DYNC2I1: variants seen among roughly 807,000 people sequenced by gnomAD.
DYNC2I1 encodes dynein 2 intermediate chain 1.
In DYNC2I1, 89 loss-of-function variants were observed where a neutral mutation model predicts 133.4. That is an observed-to-expected ratio of 0.67 (90% CI 0.56 to 0.80). The LOEUF (loss-of-function observed/expected upper bound fraction) is 0.80, where lower values mean the gene tolerates loss of function less well. Among genes scored for constraint, DYNC2I1 ranks in the 30% least tolerant of loss-of-function variants. The pLI, the probability that DYNC2I1 is intolerant of heterozygous loss-of-function variation, is 0.00. For missense variants in DYNC2I1, 1,291 were observed against 1,314.5 expected (o/e 0.98, Z 0.28); for synonymous variants, 504 against 484.3 (o/e 1.04, Z -0.54).
chr7:158,856,788 G>A, intron 1 of DYNC2I1, 38 bp downstream of exon 1: 1 of 1,232,972 alleles, frequency 8.1e-7, no homozygotes. Flanking sequence ...GGGTGGTCGA[G>A]CTTCGCGGAC....
At chr7:158,955,227 G>A (rs1327256313) in intron 4 of DYNC2I1, among the ~76,000 whole-genome samples, 2 of 152,224 alleles carry the variant, frequency 1.3e-5, no homozygotes, top group Non-Finnish European at 2.9e-5. Flanking sequence ...TGCCGTCTCT[G>A]CCCAGGCTGG....
At chr7:158,867,720 G>T (rs1030011810) in intron 1 of DYNC2I1, among the ~76,000 whole-genome samples, 1 of 152,240 alleles carries the variant, frequency 6.6e-6, no homozygotes, top group East Asian at 1.9e-4. Context: ...CCCTTCTGAC[G>T]TGTGGGCTGG....
At chr7:158,856,776 AG>A in intron 1 of DYNC2I1, 26 bp downstream of exon 1, 2 of 1,233,780 alleles carry the variant, frequency 1.6e-6, no homozygotes, top group Non-Finnish European at 1.0e-6. Context: ...GGTCTGGGCG[AG>A]GGGTGGTCGA....
chr7:158,886,906 A>T, intron 6 of DYNC2I1, 115 bp from the exon 7 acceptor site: 1 of 957,196 alleles, frequency 1.0e-6, no homozygotes, highest in Middle Eastern at 3.1e-4. Flanking sequence ...TGGTTGTAGT[A>T]GTTCTTAATC....
At chr7:158,958,562 G>C (rs922624293), downstream of DYNC2I1, among the ~76,000 whole-genome samples, 1 of 152,270 alleles carries the variant, frequency 6.6e-6, no homozygotes, top group South Asian at 2.1e-4. Flanking sequence ...ATAGTTCAGG[G>C]GTGGGGTTTA....
the DYNC2I1 span, among the ~76,000 whole-genome samples, chr7:158,840,944 G>A: frequency 6.6e-6 from 1 of 151,988 alleles, no homozygotes; most frequent in African/African-American, 2.4e-5. Flanking sequence ...ACTGTCCCTG[G>A]GTTCCACTCC....
chr7:158,840,450 C>G, the DYNC2I1 span, among the ~76,000 whole-genome samples: 1 of 152,068 alleles, frequency 6.6e-6, no homozygotes, highest in African/African-American at 2.4e-5. Context: ...ACCTGTAATC[C>G]CAGCTACTCG....
chr7:158,865,551 A>T (rs1178806455), intron 1 of DYNC2I1, among the ~76,000 whole-genome samples: 1 of 152,174 alleles, frequency 6.6e-6, no homozygotes, highest in Non-Finnish European at 1.5e-5. Flanking sequence ...GTGCTTGCAG[A>T]TGCTGAAGAC....
At chr7:158,881,620 A>AT (rs1228641233) in intron 5 of DYNC2I1, among the ~76,000 whole-genome samples, 2 of 151,730 alleles carry the variant, frequency 1.3e-5, no homozygotes, top group Admixed American at 6.6e-5. Flanking sequence ...CTCCCGGCTA[A>AT]TTTTTTGTAT....
At chr7:158,903,487 T>C (rs1338265253) in intron 10 of DYNC2I1, 1 of 152,260 alleles carries the variant, frequency 6.6e-6, no homozygotes, top group Non-Finnish European at 1.5e-5. Context: ...GATGCACTAA[T>C]ACAAATGAAG....
At chr7:158,915,353 GCT>G (rs1847981297) in intron 14 of DYNC2I1, among the ~76,000 whole-genome samples, 1 of 116,952 alleles carries the variant, frequency 8.6e-6, no homozygotes, top group Admixed American at 8.6e-5. Context: ...ACGTCGACAC[GCT>G]GGTTGACATT....
At chr7:158,955,139 C>A (rs1001909003) in intron 4 of DYNC2I1, among the ~76,000 whole-genome samples, 2 of 152,210 alleles carry the variant, frequency 1.3e-5, no homozygotes, top group Non-Finnish European at 2.9e-5. Flanking sequence ...TTGTTGCTTC[C>A]TTTGTTTTCT....
At position 158,889,331 on chromosome 7, in the gene DYNC2I1, C is replaced by T. The variant is rs10245784; in HGVS notation, c.991-1934C>T. Among the ~76,000 whole-genome samples, 456 of 151,622 alleles carry T rather than the reference C, an allele frequency of 3.0e-3. 7 individuals are homozygous for T. The highest frequency in any genetic ancestry group is 9.8e-3 in the African/African-American group (404 of 41,334). On this transcript the variant is annotated intron_variant, in intron 7 of 24. Coordinates refer to ENST00000407559, the MANE Select transcript of DYNC2I1 (RefSeq NM_018051.5). ...TCCTGACCTCATGATCCACCTGTCT[C>T]GGCTTCCCAAAGTGCTGGGATTACA... is the stretch of plus-strand genomic sequence containing the variant.
chr7:158,859,447 G>T (rs192075885), intron 1 of DYNC2I1, among the ~76,000 whole-genome samples: 318 of 152,078 alleles, frequency 2.1e-3, no homozygotes, highest in Non-Finnish European at 3.7e-3. Flanking sequence ...TTTTTCATTC[G>T]TTATTTTTGA....
At chr7:158,905,057 A>AG in intron 10 of DYNC2I1, 1 of 395,928 alleles carries the variant, frequency 2.5e-6, no homozygotes, top group Non-Finnish European at 4.9e-6. Flanking sequence ...CGAAATCCTT[A>AG]GGGGGAAGAG....
rs576692786 is a variant in DYNC2I1 at position 158,934,359 on chromosome 7, T to C, written c.2647-59T>C. The C allele has an allele frequency of 5.9e-5, 92 of 1,571,400 alleles. No individual in the cohort carries two copies. The African/African-American group carries it at 1.2e-3, about 21-fold the overall frequency. ...TTTAAATTGTTTGAGGAACAGTAGC[T>C]GTATCCAATCTCGTGTGTAATGCAC... On this transcript the variant is annotated intron_variant, in intron 22 of 24. Coordinates refer to ENST00000407559, the MANE Select transcript of DYNC2I1 (RefSeq NM_018051.5).
At chr7:158,869,967 C>A in intron 2 of DYNC2I1, 59 bp downstream of exon 2, 1 of 1,424,892 alleles carries the variant, frequency 7.0e-7, no homozygotes, top group Non-Finnish European at 9.8e-7. Flanking sequence ...TTTTCTTGGA[C>A]CTGCTTTACC....
intron 10 of DYNC2I1, chr7:158,904,845 AC>A: frequency 4.3e-6 from 1 of 232,076 alleles, no homozygotes; most frequent in Non-Finnish European, 8.5e-6. Context: ...CCAGAGCCAC[AC>A]CCTCTGCATT....
downstream of DYNC2I1, among the ~76,000 whole-genome samples, chr7:158,958,504 C>T (rs1256323842): frequency 6.6e-6 from 1 of 152,230 alleles, no homozygotes; most frequent in Non-Finnish European, 1.5e-5. Flanking sequence ...GTTTTTGTCT[C>T]TTGCCGACTT....
Sources: allele counts gnomAD v4.1 joint callset (sites outside exome capture counted in the v4.1 genomes callset), GRCh38; gene constraint gnomAD v4.1.1; transcripts MANE v1.5; gene names NCBI Gene and HGNC (gene_info 2026-07-23, HGNC 2026-07-21).